DOCK4: variants seen among roughly 807,000 people sequenced by gnomAD.
DOCK4 encodes dedicator of cytokinesis 4.
In DOCK4, 97 loss-of-function variants were observed where a neutral mutation model predicts 268.1. The ratio of observed to expected loss-of-function variants is 0.36; its 90% CI spans 0.31 to 0.43. DOCK4 has a LOEUF of 0.43. Ranked by LOEUF, DOCK4 falls within the 20% of genes least tolerant of loss-of-function variation. DOCK4 has a pLI of 1.00. For missense variants in DOCK4, 2,145 were observed against 2,455.7 expected (o/e 0.87, Z 2.67); for synonymous variants, 954 against 887.2 (o/e 1.08, Z -1.34).
intron 1 of DOCK4, among the ~76,000 whole-genome samples, chr7:112,174,849 A>T (rs1818364121): frequency 1.3e-5 from 2 of 151,764 alleles, no homozygotes; most frequent in Admixed American, 1.3e-4. Context: ...TGTTTTAAAA[A>T]GTGGGTTTTT....
intron 1 of DOCK4, among the ~76,000 whole-genome samples, chr7:112,130,061 G>A (rs531134814): frequency 1.4e-3 from 209 of 152,292 alleles, no homozygotes; most frequent in African/African-American, 4.3e-3. Context: ...ACTCTGCCTG[G>A]AAAGGTCAGG....
At chr7:112,149,532 GACA>G (rs141794322) in intron 1 of DOCK4, among the ~76,000 whole-genome samples, 3,383 of 151,772 alleles carry the variant, frequency 0.022, 136 homozygotes, top group African/African-American at 0.077. Flanking sequence ...AGGAGGAGCA[GACA>G]ACATTATAAA....
chr7:111,859,637 G>A lies in DOCK4; in HGVS notation c.2473+3735C>T, dbSNP rs980410865. On this transcript the variant is annotated intron_variant, in intron 23 of 52. Coordinates refer to ENST00000428084, the MANE Select transcript of DOCK4 (RefSeq NM_001363540.2). ...GGCTGGAGTGCAGTGGCGGGATCTC[G>A]GCTCACTGCAAGCTCCGCCTCCCGG... is the stretch of plus-strand genomic sequence containing the variant. Among the ~76,000 whole-genome samples the A allele has an allele frequency of 4.7e-4, 68 of 145,864 alleles. 1 individual carries two copies. In the South Asian group the frequency reaches 0.012, roughly 27 times the overall value.
intron 42 of DOCK4, among the ~76,000 whole-genome samples, chr7:111,749,742 G>A (rs943768583): frequency 2.0e-5 from 3 of 152,094 alleles, no homozygotes; most frequent in Admixed American, 2.0e-4. Context: ...TCTTCACTTA[G>A]CATTCAAAAA....
chr7:112,088,962 T>G (rs1016666589), intron 1 of DOCK4, among the ~76,000 whole-genome samples: 2 of 152,136 alleles, frequency 1.3e-5, no homozygotes, highest in Non-Finnish European at 2.9e-5. Context: ...TGTCAATGCT[T>G]GTTTTTATAT....
At chr7:112,109,534 G>T (rs1811439580) in intron 1 of DOCK4, among the ~76,000 whole-genome samples, 1 of 152,174 alleles carries the variant, frequency 6.6e-6, no homozygotes, top group Admixed American at 6.5e-5. Flanking sequence ...AAACTCCTGG[G>T]CTACCTGCTC....
At chr7:111,794,393 G>T (rs1049465183) in intron 30 of DOCK4, among the ~76,000 whole-genome samples, 1 of 152,186 alleles carries the variant, frequency 6.6e-6, no homozygotes, top group African/African-American at 2.4e-5. Flanking sequence ...GATAAACAGG[G>T]TGAATGAAAT....
At chr7:111,853,832 T>C (rs568401792) in intron 23 of DOCK4, among the ~76,000 whole-genome samples, 1 of 152,306 alleles carries the variant, frequency 6.6e-6, no homozygotes, top group South Asian at 2.1e-4. Context: ...CACTGTTTTA[T>C]TGTCATATTC....
At chr7:111,735,294 C>T (rs1387486371) in intron 50 of DOCK4, 127 bp from the exon 51 acceptor site, 1 of 623,426 alleles carries the variant, frequency 1.6e-6, no homozygotes, top group Admixed American at 3.3e-5. Flanking sequence ...AAACAGGAAA[C>T]TTCTTGAATA....
intron 14 of DOCK4, among the ~76,000 whole-genome samples, chr7:111,901,427 GT>G (rs1354644217): frequency 6.9e-6 from 1 of 145,606 alleles, no homozygotes. Context: ...AAAAGTTGTT[GT>G]TTTTTTTTCC....
chr7:111,940,280 A>T, intron 10 of DOCK4, 38 bp from the exon 11 acceptor site: 14 of 1,613,300 alleles, frequency 8.7e-6, no homozygotes, highest in Non-Finnish European at 1.2e-5. Flanking sequence ...CCATGGAGCC[A>T]TTTGATTAGA....
intron 12 of DOCK4, among the ~76,000 whole-genome samples, chr7:111,922,591 C>T (rs989840951): frequency 3.3e-5 from 5 of 151,856 alleles, no homozygotes; most frequent in African/African-American, 7.2e-5. Flanking sequence ...GGGTTCAGTT[C>T]TTTTTTTTCA....
At chr7:112,084,310 G>A (rs571656923) in intron 1 of DOCK4, among the ~76,000 whole-genome samples, 1 of 152,270 alleles carries the variant, frequency 6.6e-6, no homozygotes, top group East Asian at 1.9e-4. Context: ...AATTGCTTCC[G>A]CTTAAAACCA....
chr7:111,934,387 A>G (rs1436950130), intron 12 of DOCK4, among the ~76,000 whole-genome samples: 1 of 151,922 alleles, frequency 6.6e-6, no homozygotes, highest in African/African-American at 2.4e-5. Context: ...GCACACACAC[A>G]TTTTTCTTCA....
intron 11 of DOCK4, among the ~76,000 whole-genome samples, chr7:111,938,435 C>A (rs535672948): frequency 6.6e-6 from 1 of 152,118 alleles, no homozygotes; most frequent in African/African-American, 2.4e-5. Flanking sequence ...GAATGGAATA[C>A]GAAAGCCAGT....
intron 1 of DOCK4, among the ~76,000 whole-genome samples, chr7:112,155,320 G>A (rs1276327658): frequency 1.3e-5 from 2 of 152,104 alleles, no homozygotes; most frequent in Non-Finnish European, 2.9e-5. Flanking sequence ...AGAATACTAA[G>A]GATTAATTTA....
intron 1 of DOCK4, among the ~76,000 whole-genome samples, chr7:112,167,791 A>G (rs994709613): frequency 6.6e-6 from 1 of 152,316 alleles, no homozygotes; most frequent in East Asian, 1.9e-4. Flanking sequence ...AAAGTACTAT[A>G]CTAAATAATC....
chr7:111,869,775 T>G, intron 20 of DOCK4, 120 bp from the exon 21 acceptor site: 1 of 773,050 alleles, frequency 1.3e-6, no homozygotes. Flanking sequence ...TTCTCACATT[T>G]TCCTGTCAAT....
intron 1 of DOCK4, among the ~76,000 whole-genome samples, chr7:112,121,730 C>T (rs747438834): frequency 2.6e-5 from 4 of 152,186 alleles, no homozygotes; most frequent in African/African-American, 4.8e-5. Context: ...GACCAACATA[C>T]AGATATTCAG....
Sources: allele counts gnomAD v4.1 joint callset (sites outside exome capture counted in the v4.1 genomes callset), GRCh38; gene constraint gnomAD v4.1.1; transcripts MANE v1.5; gene names NCBI Gene and HGNC (gene_info 2026-07-23, HGNC 2026-07-21).